Variants in NUP210L observed in about 807,000 individuals in gnomAD.
NUP210L encodes nucleoporin 210 like.
A neutral mutation model predicts 208.5 loss-of-function variants in NUP210L; 74 were observed. That is an observed-to-expected ratio of 0.35 (90% CI 0.29 to 0.43). The LOEUF is 0.43. Among genes scored for constraint, NUP210L ranks in the 20% least tolerant of loss-of-function variants. The pLI is 1.00. For missense variants in NUP210L, 1,843 were observed against 2,289.4 expected (o/e 0.81, Z 3.98); for synonymous variants, 780 against 816.9 (o/e 0.95, Z 0.77).
At chr1:154,132,684 G>A (rs1230220772) in intron 7 of NUP210L, among the ~76,000 whole-genome samples, 5 of 151,396 alleles carry the variant, frequency 3.3e-5, no homozygotes, top group African/African-American at 7.4e-5. Context: ...GTTCACCTGG[G>A]GAATTCAGGG....
rs543282640 is a variant in NUP210L, at chr1:154,130,296, G to A, written c.1010-951C>T. Among the ~76,000 whole-genome samples, 267 of 152,096 alleles carry A rather than the reference G, an allele frequency of 1.8e-3. 1 individual carries two copies. Among genetic ancestry groups the A allele is most frequent in the African/African-American group, 5.9e-3 (244 of 41,534 alleles). On this transcript the variant is annotated intron_variant, in intron 7 of 39. Coordinates refer to ENST00000368559, the Ensembl canonical transcript of NUP210L. ...AGAGGTTGCAGTGAGCTGAGATTGC[G>A]CCATTGCACTCTGTCACCCAGGCTA... is the stretch of plus-strand genomic sequence containing the variant.
At chr1:154,063,168 C>T (rs2148001169) in intron 17 of NUP210L, among the ~76,000 whole-genome samples, 1 of 152,134 alleles carries the variant, frequency 6.6e-6, no homozygotes, top group East Asian at 1.9e-4. Flanking sequence ...GTGATAAGTG[C>T]TATTATAGAA....
chr1:154,067,934 C>G (rs1420333699), intron 17 of NUP210L, among the ~76,000 whole-genome samples: 3 of 151,966 alleles, frequency 2.0e-5, no homozygotes, highest in African/African-American at 7.3e-5. Flanking sequence ...CACTGCTTAA[C>G]GAAATAAAAG....
At chr1:154,130,012 C>T (rs1445731799) in intron 7 of NUP210L, among the ~76,000 whole-genome samples, 1 of 151,950 alleles carries the variant, frequency 6.6e-6, no homozygotes, top group Non-Finnish European at 1.5e-5. Flanking sequence ...ATACTACATC[C>T]AAAAGCTAAG....
At chr1:154,015,943 A>G (rs1396761904) in intron 33 of NUP210L, among the ~76,000 whole-genome samples, 1 of 146,556 alleles carries the variant, frequency 6.8e-6, no homozygotes, top group East Asian at 2.0e-4. Context: ...TAAATAAATA[A>G]ATAAATAAAT....
intron 35 of NUP210L, among the ~76,000 whole-genome samples, chr1:154,009,374 G>A (rs1318694203): frequency 1.3e-5 from 2 of 152,036 alleles, no homozygotes; most frequent in African/African-American, 4.8e-5. Context: ...GCTACATGCT[G>A]GGAATGAAAG....
chr1:154,076,778 G>A (rs575560968), intron 16 of NUP210L, among the ~76,000 whole-genome samples: 1 of 152,158 alleles, frequency 6.6e-6, no homozygotes, highest in East Asian at 1.9e-4. Context: ...AAGGAGAGGA[G>A]ATAGAAGAAT....
intron 12 of NUP210L, among the ~76,000 whole-genome samples, chr1:154,105,475 C>A (rs1421104345): frequency 4.2e-5 from 3 of 72,048 alleles, no homozygotes. Context: ...GGTGACAGAG[C>A]AAAAATCCGT....
At chr1:154,145,337 G>A (rs1659062756) in intron 2 of NUP210L, among the ~76,000 whole-genome samples, 1 of 151,586 alleles carries the variant, frequency 6.6e-6, no homozygotes, top group Non-Finnish European at 1.5e-5. Flanking sequence ...AGAATTGCTT[G>A]AACCTGGGAG....
chr1:154,058,254 C>G, intron 21 of NUP210L, 38 bp from the exon 22 acceptor site: 2 of 1,608,874 alleles, frequency 1.2e-6, no homozygotes, highest in Non-Finnish European at 1.7e-6. Context: ...GCAAAGGTGT[C>G]TCATTCACCA....
In NUP210L at chr1:154,117,735, C is replaced by T. The variant is rs747720012; in HGVS notation, c.1610G>A (p.Gly537Glu). The T allele has an allele frequency of 9.8e-6, 15 of 1,528,560 alleles. No individual in the cohort carries two copies. In the Admixed American group the frequency reaches 2.4e-4, roughly 25 times the overall value. 94.7% of individuals were successfully genotyped at this position (1,528,560 alleles called of 1,614,324 possible). ...TGGAGAGTCGTTTACCTTAATTTCT[C>T]CATATCGAAAGGGATTTTGTACATC... Residue 537 changes from glycine (G) to glutamate (E), a missense_variant, in exon 12 of 40, where the codon GGA (glycine) becomes GAA (glutamate). By Grantham distance (98) the Gly-to-Glu change is moderately conservative. Coordinates refer to ENST00000368559, the Ensembl canonical transcript of NUP210L.
intron 37 of NUP210L, among the ~76,000 whole-genome samples, chr1:153,998,979 T>G (rs528546416): frequency 1.1e-4 from 17 of 152,196 alleles, no homozygotes; most frequent in African/African-American, 3.9e-4. Context: ...CCTCCCAAAG[T>G]GCTAGGATTA....
intron 10 of NUP210L, among the ~76,000 whole-genome samples, chr1:154,122,592 T>C (rs1015973777): frequency 1.3e-5 from 2 of 151,440 alleles, no homozygotes; most frequent in African/African-American, 4.9e-5. Flanking sequence ...GAGGTGGAGG[T>C]TGCAGTGAGC....
intron 17 of NUP210L, among the ~76,000 whole-genome samples, chr1:154,068,279 A>G (rs1234621759): frequency 1.3e-5 from 2 of 152,184 alleles, no homozygotes; most frequent in African/African-American, 4.8e-5. Context: ...AAATAATACC[A>G]CACATCTACA....
chr1:153,994,458 T>A (rs1649703377), intron 38 of NUP210L, among the ~76,000 whole-genome samples: 1 of 151,864 alleles, frequency 6.6e-6, no homozygotes, highest in African/African-American at 2.4e-5. Context: ...ATTACAGGCA[T>A]GTGCCACCAC....
exon 28 of NUP210L, chr1:154,030,006 T>TATGGACATGTATGCC (rs1431545920): frequency 6.2e-7 from 1 of 1,611,242 alleles, no homozygotes; most frequent in Non-Finnish European, 8.5e-7. Context: ...GCTGCTTTTG[T>TATGGACATGTATGCC]ATGGACAACC....
Position 154,126,472 on chromosome 1 carries a change from C to T in NUP210L, c.1186-9G>A, listed in dbSNP as rs1162518767. The T allele has an allele frequency of 6.2e-7, 1 of 1,604,892 alleles. No individual in the cohort carries two copies. Among genetic ancestry groups the T allele is most frequent in the African/African-American group, 1.3e-5 (1 of 74,646 alleles). ...TATGTAATCCTGAGATTCTGAAAAT[C>T]AGCCCCACAGTAACACAAACCTGAA... On this transcript the variant is annotated splice_polypyrimidine_tract_variant and intron_variant, in intron 9 of 39. Coordinates refer to ENST00000368559, the Ensembl canonical transcript of NUP210L.
intron 35 of NUP210L, among the ~76,000 whole-genome samples, 158 bp downstream of exon 35, chr1:154,009,810 GAAAA>G (rs1557911078): frequency 7.1e-6 from 1 of 141,826 alleles, no homozygotes; most frequent in Non-Finnish European, 1.5e-5. Flanking sequence ...AAAAAAAAAA[GAAAA>G]AAGAGTTGAA....
At chr1:154,127,521 C>T in intron 8 of NUP210L, 104 bp from the exon 9 acceptor site, 4 of 403,266 alleles carry the variant, frequency 9.9e-6, no homozygotes, top group Non-Finnish European at 1.3e-5. Context: ...GCAAAATTTA[C>T]TAATAGATGG....
Sources: allele counts gnomAD v4.1 joint callset (sites outside exome capture counted in the v4.1 genomes callset), GRCh38; gene constraint gnomAD v4.1.1; transcripts MANE v1.5; gene names NCBI Gene and HGNC (gene_info 2026-07-23, HGNC 2026-07-21).